Variants in SGCD observed in about 807,000 individuals in gnomAD.
The protein encoded by SGCD is sarcoglycan delta.
A neutral mutation model predicts 36.6 loss-of-function variants in SGCD; 18 were observed. The ratio of observed to expected loss-of-function variants is 0.49; its 90% CI spans 0.34 to 0.73. SGCD has a LOEUF of 0.73. Among genes scored for constraint, SGCD ranks in the 30% least tolerant of loss-of-function variants. SGCD has a pLI of 0.01. For synonymous variants in SGCD, 133 were observed against 130.6 expected (o/e 1.02, Z -0.12); for missense variants, 387 against 346.7 (o/e 1.12, Z -0.92).
intron 3 of SGCD, among the ~76,000 whole-genome samples, chr5:156,317,131 C>T (rs745576957): frequency 1.1e-4 from 16 of 152,028 alleles, no homozygotes; most frequent in African/African-American, 7.2e-5. Flanking sequence ...GCTACCAAAG[C>T]GTACCTATTC....
chr5:155,840,962 G>T, the SGCD span, among the ~76,000 whole-genome samples: 1 of 133,050 alleles, frequency 7.5e-6, no homozygotes, highest in Non-Finnish European at 1.5e-5. Context: ...AGTGAGTCAA[G>T]ATCGCACCAC....
intron 1 of SGCD, among the ~76,000 whole-genome samples, chr5:156,059,366 T>C (rs1760145151): frequency 6.8e-6 from 1 of 146,554 alleles, no homozygotes; most frequent in African/African-American, 2.5e-5. Context: ...TGTCTCAGCC[T>C]CCAAGAACTA....
chr5:155,782,717 C>A, the SGCD span, among the ~76,000 whole-genome samples: 1 of 152,150 alleles, frequency 6.6e-6, no homozygotes, highest in South Asian at 2.1e-4. Flanking sequence ...TGCCTCTTGT[C>A]AGATCAGCGG....
chr5:155,936,380 C>T (rs1288818793), intron 1 of SGCD, among the ~76,000 whole-genome samples: 1 of 152,254 alleles, frequency 6.6e-6, no homozygotes, highest in East Asian at 1.9e-4. Flanking sequence ...CTCCTCTTTG[C>T]AGCCAGAATG....
the SGCD span, among the ~76,000 whole-genome samples, chr5:155,738,058 G>C: frequency 6.6e-6 from 1 of 152,080 alleles, no homozygotes; most frequent in Non-Finnish European, 1.5e-5. Flanking sequence ...CCCTCTATAT[G>C]TCTCTCTCTG....
chr5:156,718,520 C>G (rs1755328817), intron 7 of SGCD, among the ~76,000 whole-genome samples: 1 of 152,048 alleles, frequency 6.6e-6, no homozygotes, highest in South Asian at 2.1e-4. Context: ...TGGCTCACAC[C>G]TGTAATCCCA....
At chr5:156,310,227 A>G (rs1431627751) in intron 3 of SGCD, among the ~76,000 whole-genome samples, 3 of 152,212 alleles carry the variant, frequency 2.0e-5, no homozygotes, top group Admixed American at 2.0e-4. Context: ...GTACGAAAAT[A>G]AAAAGAAATA....
chr5:156,312,494 CTCATATAAAATA>C (rs147874990), intron 3 of SGCD, among the ~76,000 whole-genome samples: 3,314 of 152,274 alleles, frequency 0.022, 45 homozygotes, highest in African/African-American at 0.031. Flanking sequence ...TAGTCTATTA[CTCATATAAAATA>C]TTAAATCATG....
chr5:156,743,381 G>T (rs1756786541), intron 7 of SGCD, among the ~76,000 whole-genome samples: 1 of 152,030 alleles, frequency 6.6e-6, no homozygotes, highest in Admixed American at 6.5e-5. Context: ...CAAAGTGCTG[G>T]AATTACAGGC....
chr5:156,296,795 G>A (rs1561606063), intron 3 of SGCD, among the ~76,000 whole-genome samples: 1 of 152,052 alleles, frequency 6.6e-6, no homozygotes, highest in African/African-American at 2.4e-5. Context: ...TGATGTTCAA[G>A]TCCTGTATTT....
chr5:155,750,393 A>G, the SGCD span, among the ~76,000 whole-genome samples: 1 of 152,240 alleles, frequency 6.6e-6, no homozygotes, highest in Non-Finnish European at 1.5e-5. Context: ...TTGTTTAAAC[A>G]GAGACCAGAG....
At chr5:156,307,977 T>C (rs1190871365) in intron 3 of SGCD, among the ~76,000 whole-genome samples, 1 of 152,146 alleles carries the variant, frequency 6.6e-6, no homozygotes, top group Admixed American at 6.5e-5. Context: ...TAAAAAAATA[T>C]ATTATTTTCC....
At chr5:156,693,876 A>G (rs1286026992) in intron 7 of SGCD, among the ~76,000 whole-genome samples, 1 of 152,158 alleles carries the variant, frequency 6.6e-6, no homozygotes, top group Non-Finnish European at 1.5e-5. Context: ...TTTACATGGT[A>G]AGAATCGGGG....
At chr5:156,450,462 A>G (rs1753957724) in intron 3 of SGCD, among the ~76,000 whole-genome samples, 1 of 151,958 alleles carries the variant, frequency 6.6e-6, no homozygotes, top group Non-Finnish European at 1.5e-5. Context: ...AGTCATCTAA[A>G]GTCACTCTAC....
At chr5:156,147,230 C>A (rs1289118050) in intron 3 of SGCD, among the ~76,000 whole-genome samples, 1 of 152,172 alleles carries the variant, frequency 6.6e-6, no homozygotes, top group Non-Finnish European at 1.5e-5. Context: ...CTTAGGTTAA[C>A]AAGTAAATTC....
chr5:156,044,066 G>T (rs1374966747), intron 1 of SGCD, among the ~76,000 whole-genome samples: 4 of 152,172 alleles, frequency 2.6e-5, no homozygotes, highest in Non-Finnish European at 5.9e-5. Context: ...GAGCCCCTAA[G>T]CACCCTATGC....
Position 156,379,654 on chromosome 5 carries a change from C to T in SGCD, c.192+34977C>T, listed in dbSNP as rs1291886803. Among the ~76,000 whole-genome samples the T allele has an allele frequency of 2.0e-5, 3 of 151,388 alleles. No individual in the cohort carries two copies. In the East Asian group the frequency reaches 5.8e-4, roughly 29 times the overall value. ...GTCTGGCTGCTGTAATGAGAATACACAGCAGAAGGGGAGAGGGGAGAAGGA... is the reference window on the plus strand; with the variant it reads ...GTCTGGCTGCTGTAATGAGAATACATAGCAGAAGGGGAGAGGGGAGAAGGA... On this transcript the variant is annotated intron_variant, in intron 3 of 8. Transcript: ENST00000337851.
chr5:156,261,153 C>CAG (rs1765850179), intron 3 of SGCD, among the ~76,000 whole-genome samples: 2 of 152,042 alleles, frequency 1.3e-5, no homozygotes, highest in Admixed American at 1.3e-4. Context: ...CAAAGTTATA[C>CAG]TGGTTTTATA....
chr5:156,588,781 T>C (rs1460207011), intron 4 of SGCD, among the ~76,000 whole-genome samples: 1 of 152,242 alleles, frequency 6.6e-6, no homozygotes, highest in African/African-American at 2.4e-5. Context: ...GAGGGGCAGA[T>C]CTTGGGTATT....
Sources: allele counts gnomAD v4.1 joint callset (sites outside exome capture counted in the v4.1 genomes callset), GRCh38; gene constraint gnomAD v4.1.1; transcripts MANE v1.5; gene names NCBI Gene and HGNC (gene_info 2026-07-23, HGNC 2026-07-21).